The following NREP variants were observed in gnomAD, a reference collection of about 807,000 sequenced individuals.
NREP encodes neuronal regeneration related protein, also known as neuronal regeneration-related protein.
A neutral mutation model predicts 8.6 loss-of-function variants in NREP; 5 were observed. The observed-to-expected ratio is 0.58, with a 90% CI of 0.30 to 1.22. The LOEUF is 1.22. Ranked by LOEUF, NREP falls within the 50% of genes most tolerant of loss-of-function variation. NREP has a pLI of 0.07. For synonymous variants in NREP, 27 were observed against 28.0 expected, an observed-to-expected ratio of 0.96 and a Z score of 0.11; for missense variants, 86 against 82.5, an observed-to-expected ratio of 1.04 and a Z score of -0.17.
intron 2 of NREP, among the ~76,000 whole-genome samples, chr5:111,930,778 C>T (rs1755515452): frequency 6.6e-6 from 1 of 152,174 alleles, no homozygotes; most frequent in African/African-American, 2.4e-5. Context: ...ACAGCAGTCT[C>T]TCTCCTCTTG....
chr5:111,757,742 C>G (rs965380941), upstream of NREP: 9 of 984,150 alleles, frequency 9.1e-6, no homozygotes, highest in African/African-American at 1.0e-4. Context: ...CCCGGGAGCA[C>G]GGCGCGCGCA....
At chr5:111,901,882 A>C (rs988599774) in intron 2 of NREP, among the ~76,000 whole-genome samples, 4 of 152,178 alleles carry the variant, frequency 2.6e-5, no homozygotes, top group Non-Finnish European at 5.9e-5. Flanking sequence ...TACTCAAAGC[A>C]ATCTACAGAT....
intron 2 of NREP, among the ~76,000 whole-genome samples, chr5:111,871,948 C>T (rs1180537417): frequency 6.7e-6 from 1 of 149,236 alleles, no homozygotes; most frequent in African/African-American, 2.5e-5. Flanking sequence ...CTATTGGTTC[C>T]ATTAGCATAT....
At chr5:111,944,987 C>T (rs1413020641) in intron 2 of NREP, among the ~76,000 whole-genome samples, 1 of 152,030 alleles carries the variant, frequency 6.6e-6, no homozygotes, top group Non-Finnish European at 1.5e-5. Context: ...ACAATTTCTA[C>T]CTATGCTTCC....
intron 2 of NREP, among the ~76,000 whole-genome samples, chr5:111,910,926 C>A (rs1040601592): frequency 2.6e-5 from 4 of 152,078 alleles, no homozygotes; most frequent in Non-Finnish European, 4.4e-5. Context: ...CTTCTTGGTA[C>A]TAGAAGCTTC....
At chr5:111,952,533 C>T (rs1438025981) in intron 2 of NREP, among the ~76,000 whole-genome samples, 1 of 152,110 alleles carries the variant, frequency 6.6e-6, no homozygotes, top group Non-Finnish European at 1.5e-5. Context: ...GATATTTCTA[C>T]AACTTTGACA....
chr5:111,744,077 C>T (rs1749849120), intron 2 of NREP, among the ~76,000 whole-genome samples: 1 of 152,050 alleles, frequency 6.6e-6, no homozygotes. Context: ...GAGTCTGAAG[C>T]GATTTCAAAG....
chr5:111,834,441 T>C lies in NREP; in HGVS notation c.136-98934A>G, dbSNP rs1300461987. On this transcript the variant is annotated intron_variant, in intron 2 of 3. Coordinates refer to the NREP transcript ENST00000395634. Reference sequence around the variant, plus strand: ...GAAATAGTTATTTTCAAACTAATAATATTTTAAGTGCCAGAAAAGATCAAC... The same window carrying C: ...GAAATAGTTATTTTCAAACTAATAACATTTTAAGTGCCAGAAAAGATCAAC... 2.6e-5 allele frequency among the ~76,000 whole-genome samples: 4 copies of C among 152,196 alleles called. No homozygotes were observed. In the South Asian group the frequency reaches 8.3e-4, roughly 32 times the overall value.
At chr5:111,743,252 C>T (rs1749794805) in intron 2 of NREP, among the ~76,000 whole-genome samples, 1 of 148,950 alleles carries the variant, frequency 6.7e-6, no homozygotes, top group African/African-American at 2.5e-5. Flanking sequence ...GATAGTTGCT[C>T]TCTTTAGTGA....
At chr5:111,916,247 A>G (rs1463966203) in intron 2 of NREP, among the ~76,000 whole-genome samples, 8 of 151,992 alleles carry the variant, frequency 5.3e-5, no homozygotes, top group Admixed American at 2.0e-4. Context: ...TCCCAGGACT[A>G]CCGAGAGAGA....
At chr5:111,860,331 G>A (rs1753517796) in intron 2 of NREP, among the ~76,000 whole-genome samples, 1 of 152,098 alleles carries the variant, frequency 6.6e-6, no homozygotes, top group African/African-American at 2.4e-5. Flanking sequence ...AGCAAGATCT[G>A]TCATGTGTTT....
rs570218132 is a variant in NREP, at chr5:111,841,127, C to A, written c.136-105620G>T. Among the ~76,000 whole-genome samples, 13 of 152,154 alleles carry A rather than the reference C, an allele frequency of 8.5e-5. No homozygotes were observed. In the East Asian group the frequency reaches 2.1e-3, roughly 25 times the overall value. On this transcript the variant is annotated intron_variant, in intron 2 of 3. Coordinates refer to the NREP transcript ENST00000395634. ...GAGTGAAACAAGGATAGGGAAGAAC[C>A]AATACAAGGGTGCATTATCAAGTAG...
Position 111,823,889 on chromosome 5 carries a change from T to C in NREP, c.136-88382A>G, listed in dbSNP as rs1180737732. ...CTACTTTTTAAAAGTAGATGTTTCC[T>C]AGATACAGATGTATTTTTAGGTATT... On this transcript the variant is annotated intron_variant, in intron 2 of 3. Coordinates refer to the NREP transcript ENST00000395634. Among the ~76,000 whole-genome samples, 5 of 152,244 alleles carry C rather than the reference T, an allele frequency of 3.3e-5. No homozygotes were observed. In the South Asian group the frequency reaches 6.2e-4, roughly 19 times the overall value.
chr5:111,884,328 A>C (rs1455498233), intron 2 of NREP, among the ~76,000 whole-genome samples: 2 of 151,902 alleles, frequency 1.3e-5, no homozygotes, highest in East Asian at 3.8e-4. Context: ...TGTGGCAATA[A>C]TCAATAGTTT....
Position 111,731,015 on chromosome 5 carries a change from C to T in NREP, c.113G>A (p.Arg38His), listed in dbSNP as rs535738997. 2.3e-5 allele frequency: 37 copies of T among 1,613,936 alleles called. No individual in the cohort carries two copies. Among genetic ancestry groups the T allele is most frequent in the Middle Eastern group, 1.7e-4 (1 of 6,054 alleles). The change falls in exon 4 of 4, where the codon CGC (arginine) becomes CAC (histidine). Residue 38 changes from arginine to histidine, a missense_variant. By Grantham distance (29) the Arg-to-His change is conservative. Coordinates refer to ENST00000257435, the MANE Select transcript of NREP (RefSeq NM_004772.4). The stretch of plus-strand genomic sequence containing the variant: ...AGCGTTTGTCTCATCGTTCTTCTTG[C>T]GGTTCACTTCCTTTGGGACAGGAAG... ...GRLPVPKEVNRKKNDETNAAS... is the reference protein window; with the variant it reads ...GRLPVPKEVNHKKNDETNAAS...
rs1260684416 is a variant in NREP, at chr5:111,975,340, C to G, written c.69G>C (p.Arg23Ser). ...TGGAACAAGGGACTCTGTCTGTCAT[C>G]CTGCTCCTCTGGGTTCGTGTTTCAT... Residue 23 changes from arginine (R) to serine (S), a missense_variant, in exon 2 of 4, where the codon AGG becomes AGC. Coordinates refer to the NREP transcript ENST00000395634. The G allele has an allele frequency of 6.4e-6, 10 of 1,551,552 alleles. No homozygotes were observed. Among genetic ancestry groups the G allele is most frequent in the Non-Finnish European group, 8.7e-6 (10 of 1,146,944 alleles).
intron 2 of NREP, among the ~76,000 whole-genome samples, chr5:111,886,893 A>G (rs185529440): frequency 0.037 from 5,560 of 152,110 alleles, 331 homozygotes; most frequent in African/African-American, 0.13. Flanking sequence ...TAATGGGTGC[A>G]GCACACCAGC....
chr5:111,791,464 C>T (rs990551065), intron 2 of NREP, among the ~76,000 whole-genome samples: 12 of 152,078 alleles, frequency 7.9e-5, no homozygotes, highest in African/African-American at 2.9e-4. Context: ...AACATGACCT[C>T]ATTTTGACAC....
chr5:111,902,084 A>C (rs748828705), intron 2 of NREP, among the ~76,000 whole-genome samples: 1 of 152,182 alleles, frequency 6.6e-6, no homozygotes, highest in Non-Finnish European at 1.5e-5. Flanking sequence ...ACAGCATAGT[A>C]CTGGCATAAA....
Sources: gnomAD v4.1 joint callset for allele counts (sites outside exome capture counted in the v4.1 genomes callset) on GRCh38, gnomAD v4.1.1 for gene constraint, MANE v1.5 for transcripts, NCBI Gene and HGNC (gene_info 2026-07-23, HGNC 2026-07-21) for gene names.